LRRTM4: variants seen among roughly 807,000 people sequenced by gnomAD.
LRRTM4 encodes the protein leucine rich repeat transmembrane neuronal 4.
LRRTM4 carries 25 observed loss-of-function variants against 47.6 expected under a neutral mutation model. The observed-to-expected ratio is 0.53, with a 90% CI of 0.38 to 0.73. The LOEUF (loss-of-function observed/expected upper bound fraction) is 0.73, where lower values mean the gene tolerates loss of function less well. Among genes scored for constraint, LRRTM4 ranks in the 30% least tolerant of loss-of-function variants. LRRTM4 has a pLI of 0.00. For synonymous variants in LRRTM4, 311 were observed against 269.5 expected (o/e 1.15, Z -1.51); for missense variants, 638 against 713.4 (o/e 0.89, Z 1.20).
At chr2:76,800,007 C>T (rs1263634540) in intron 3 of LRRTM4, among the ~76,000 whole-genome samples, 5 of 151,654 alleles carry the variant, frequency 3.3e-5, no homozygotes, top group African/African-American at 9.7e-5. Flanking sequence ...GAATCAATAT[C>T]GTGAAAATGG....
chr2:77,392,262 A>T (rs779161851), intron 3 of LRRTM4, among the ~76,000 whole-genome samples: 1 of 151,960 alleles, frequency 6.6e-6, no homozygotes, highest in Non-Finnish European at 1.5e-5. Context: ...ATCTTTAAAT[A>T]CACCTATGAC....
chr2:76,962,735 T>A (rs1014601372), intron 3 of LRRTM4, among the ~76,000 whole-genome samples: 3 of 150,556 alleles, frequency 2.0e-5, no homozygotes, highest in Non-Finnish European at 4.5e-5. Context: ...ACAGAACATC[T>A]TAGGAATTAA....
chr2:77,213,941 TA>T (rs1295155934), intron 3 of LRRTM4, among the ~76,000 whole-genome samples: 11 of 150,498 alleles, frequency 7.3e-5, no homozygotes, highest in Non-Finnish European at 8.9e-5. Context: ...GCTCCTGCAT[TA>T]AAAAAAATCA....
intron 3 of LRRTM4, among the ~76,000 whole-genome samples, chr2:77,096,459 G>A (rs1670814394): frequency 6.6e-6 from 1 of 151,182 alleles, no homozygotes; most frequent in East Asian, 1.9e-4. Flanking sequence ...AAAGAATAGT[G>A]AGTAAATTAA....
intron 3 of LRRTM4, among the ~76,000 whole-genome samples, chr2:77,017,055 A>T (rs1573455811): frequency 6.6e-6 from 1 of 152,296 alleles, no homozygotes; most frequent in East Asian, 1.9e-4. Flanking sequence ...ATTTTAAAGG[A>T]CTGAGGGAAA....
intron 3 of LRRTM4, among the ~76,000 whole-genome samples, chr2:77,405,928 T>C (rs554105099): frequency 1.3e-5 from 2 of 152,316 alleles, no homozygotes; most frequent in South Asian, 2.1e-4. Context: ...ACTCTCACAC[T>C]AAACAATGAG....
chr2:77,474,464 T>C (rs1048336929), intron 3 of LRRTM4, among the ~76,000 whole-genome samples: 4 of 151,998 alleles, frequency 2.6e-5, no homozygotes, highest in Non-Finnish European at 5.9e-5. Context: ...CCTATTTCAG[T>C]GGAAACTTCT....
chr2:77,223,559 AC>A (rs1411340869), intron 3 of LRRTM4, among the ~76,000 whole-genome samples: 1 of 152,002 alleles, frequency 6.6e-6, no homozygotes, highest in Non-Finnish European at 1.5e-5. Flanking sequence ...TTCTTATACA[AC>A]AATAACAGAC....
chr2:77,474,823 A>T (rs1441750266), intron 3 of LRRTM4, among the ~76,000 whole-genome samples: 1 of 152,100 alleles, frequency 6.6e-6, no homozygotes, highest in Non-Finnish European at 1.5e-5. Context: ...GCTCATTACA[A>T]ATAATAAAGG....
intron 3 of LRRTM4, among the ~76,000 whole-genome samples, chr2:77,029,031 TCACACA>T (rs201640727): frequency 3.0e-5 from 3 of 98,464 alleles, no homozygotes; most frequent in South Asian, 2.9e-4. Flanking sequence ...CGAGAGTCCA[TCACACA>T]CACACACACA....
chr2:77,010,420 A>G (rs1018310375), intron 3 of LRRTM4, among the ~76,000 whole-genome samples: 1 of 151,422 alleles, frequency 6.6e-6, no homozygotes, highest in African/African-American at 2.4e-5. Context: ...TTCACTTAGC[A>G]TAATGTCTTC....
chr2:77,039,977 G>A (rs570341832), intron 3 of LRRTM4, among the ~76,000 whole-genome samples: 27 of 151,076 alleles, frequency 1.8e-4, no homozygotes, highest in African/African-American at 6.5e-4. Context: ...ACAATAAACT[G>A]TCTTTATAAT....
chr2:77,180,541 T>G (rs1328173430), intron 3 of LRRTM4, among the ~76,000 whole-genome samples: 1 of 152,214 alleles, frequency 6.6e-6, no homozygotes, highest in African/African-American at 2.4e-5. Context: ...TCCTATATCA[T>G]AGACCTGTTG....
chr2:76,780,397 C>G (rs1253640948), intron 3 of LRRTM4, among the ~76,000 whole-genome samples: 2 of 152,184 alleles, frequency 1.3e-5, no homozygotes, highest in Non-Finnish European at 2.9e-5. Context: ...TTCAGGTACA[C>G]CAATCAGACG....
rs974891431 is a variant in LRRTM4 at position 77,091,405 on chromosome 2, A to G, written c.1552-342489T>C. ...TTTAAAAAGATTAAAGCCTGTTATC[A>G]CTCGCCTGCTACAGCATGGCCTTTT... On this transcript the variant is annotated intron_variant, in intron 3 of 3. Transcript: ENST00000409884. Among the ~76,000 whole-genome samples, 36 of 147,508 alleles carry G rather than the reference A, an allele frequency of 2.4e-4. No homozygotes were observed. The East Asian group carries it at 5.6e-3, about 23-fold the overall frequency.
At chr2:77,152,537 C>A (rs1455798909) in intron 3 of LRRTM4, among the ~76,000 whole-genome samples, 1 of 151,960 alleles carries the variant, frequency 6.6e-6, no homozygotes, top group Non-Finnish European at 1.5e-5. Flanking sequence ...ACCGTGTTAG[C>A]CACAATGGTC....
intron 3 of LRRTM4, among the ~76,000 whole-genome samples, chr2:77,198,345 C>T (rs960146064): frequency 2.0e-5 from 3 of 152,168 alleles, no homozygotes; most frequent in Admixed American, 2.0e-4. Flanking sequence ...TCTGTCCTTT[C>T]TCATTGTGTC....
Position 77,066,200 on chromosome 2 carries a change from T to TA in LRRTM4, c.1552-317285dup, listed in dbSNP as rs572558599. Among the ~76,000 whole-genome samples the TA allele has an allele frequency of 5.5e-3, 842 of 152,286 alleles. 4 individuals are homozygous for TA. The highest frequency in any genetic ancestry group is 0.034 in the Middle Eastern group (10 of 294). On this transcript the variant is annotated intron_variant, in intron 3 of 3. Transcript: ENST00000409884. ...GCTTATTATAAATTCCTGGTTCTATTAATTTCTATTTTTGTGACCTTCAAT... is the reference window on the plus strand; with the variant it reads ...GCTTATTATAAATTCCTGGTTCTATTAAATTTCTATTTTTGTGACCTTCAAT...
At chr2:77,161,151 A>AT (rs1393392339) in intron 3 of LRRTM4, among the ~76,000 whole-genome samples, 1 of 152,042 alleles carries the variant, frequency 6.6e-6, no homozygotes, top group Non-Finnish European at 1.5e-5. Flanking sequence ...ATAACCCAGC[A>AT]TTTTTTCCCA....
Sources: allele counts gnomAD v4.1 joint callset (sites outside exome capture counted in the v4.1 genomes callset), GRCh38; gene constraint gnomAD v4.1.1; transcripts MANE v1.5; gene names NCBI Gene and HGNC (gene_info 2026-07-23, HGNC 2026-07-21).